SYTL2: variants seen among roughly 807,000 people sequenced by gnomAD.
SYTL2 encodes the protein synaptotagmin like 2, also known as synaptotagmin-like protein 2.
Under a neutral mutation model 198.7 loss-of-function variants are expected in SYTL2, and 165 were observed. The observed-to-expected ratio is 0.83, with a 90% CI of 0.73 to 0.94. The LOEUF is 0.94. Among genes scored for constraint, SYTL2 ranks in the 40% least tolerant of loss-of-function variants. The probability of loss-of-function intolerance (pLI) is 0.00; values close to 1 mark genes in which losing one functional copy is unlikely to be tolerated. For synonymous variants in SYTL2, 966 were observed against 917.7 expected (o/e 1.05, Z -0.95); for missense variants, 2,835 against 2,582.8 (o/e 1.10, Z -2.12).
chr11:85,739,253 C>CT (rs34147924), intron 4 of SYTL2, among the ~76,000 whole-genome samples: 53,091 of 124,300 alleles, frequency 0.43, 11,582 homozygotes, highest in East Asian at 0.58. Context: ...AGGAGGCTGG[C>CT]TTTTTTTTTT....
At chr11:85,846,568 C>G in the SYTL2 span, among the ~76,000 whole-genome samples, 1 of 151,870 alleles carries the variant, frequency 6.6e-6, no homozygotes, top group African/African-American at 2.4e-5. Context: ...GCTGGGATTA[C>G]AGGTGTGCAC....
chr11:85,741,832 G>A (rs939327745), intron 4 of SYTL2, among the ~76,000 whole-genome samples: 9 of 152,214 alleles, frequency 5.9e-5, no homozygotes, highest in Non-Finnish European at 1.3e-4. Context: ...CTATTCAACA[G>A]ACGGTAAGAA....
the SYTL2 span, among the ~76,000 whole-genome samples, chr11:85,832,951 G>A: frequency 1.3e-5 from 2 of 148,572 alleles, no homozygotes; most frequent in Non-Finnish European, 3.0e-5. Context: ...AGCTATGATT[G>A]CTCCACTGCA....
the SYTL2 span, chr11:85,852,498 C>T: frequency 1.9e-5 from 3 of 158,682 alleles, no homozygotes; most frequent in East Asian, 1.9e-4. Flanking sequence ...CTCAGCCTGC[C>T]GAGTGCCTGC....
chr11:85,700,539 G>A lies in SYTL2; in HGVS notation c.6244C>T (p.Gln2082Ter). ...ENRGEMKLALQYVPEPVPGKK... is the reference protein window; with the variant it reads ...ENRGEMKLAL ...CCAGGGACTGGCTCTGGGACATACT[G>A]GAGAGCTAGTTTCATTTCACCTCTG... Residue 2082 changes from glutamine to a stop codon, truncating the protein, a stop_gained, in exon 17 of 20, where the codon CAG becomes TAG. Coordinates refer to ENST00000359152, the MANE Select transcript of SYTL2 (RefSeq NM_206927.4). LOFTEE classifies it high-confidence loss of function. 6.2e-7 allele frequency: 1 copy of A among 1,613,806 alleles called. No homozygotes were observed. The highest frequency in any genetic ancestry group is 8.5e-7 in the Non-Finnish European group (1 of 1,179,738).
chr11:85,702,935 G>A (rs1421007911), intron 16 of SYTL2, among the ~76,000 whole-genome samples: 2 of 152,128 alleles, frequency 1.3e-5, no homozygotes, highest in East Asian at 1.9e-4. Flanking sequence ...GAGAATTTTA[G>A]GAGAGAAATG....
intron 1 of SYTL2, among the ~76,000 whole-genome samples, chr11:85,776,103 C>T (rs1431695175): frequency 6.6e-6 from 1 of 152,118 alleles, no homozygotes; most frequent in African/African-American, 2.4e-5. Context: ...AAGAGCTACC[C>T]AGTTCTCTCA....
chr11:85,817,354 C>T, the SYTL2 span, among the ~76,000 whole-genome samples: 2 of 152,084 alleles, frequency 1.3e-5, no homozygotes, highest in Non-Finnish European at 2.9e-5. Context: ...GCCACCAGCC[C>T]CCTGGGGCTA....
At chr11:85,756,666 T>C (rs1031078517) in intron 2 of SYTL2, among the ~76,000 whole-genome samples, 3 of 152,202 alleles carry the variant, frequency 2.0e-5, no homozygotes, top group African/African-American at 7.2e-5. Flanking sequence ...CCTTTGCAAC[T>C]TGTTAAATAC....
intron 1 of SYTL2, among the ~76,000 whole-genome samples, chr11:85,791,166 CAAAAAAAAAAAAAA>C (rs568061365): frequency 3.5e-4 from 14 of 39,532 alleles, no homozygotes; most frequent in African/African-American, 1.5e-3. Context: ...GAGTCTGCCT[CAAAAAAAAAAAAAA>C]AAAAAAAAAA....
the SYTL2 span, among the ~76,000 whole-genome samples, chr11:85,818,688 T>TCTACCTAC: frequency 2.0e-5 from 3 of 151,208 alleles, no homozygotes; most frequent in African/African-American, 7.3e-5. Flanking sequence ...TATCTATCTA[T>TCTACCTAC]CTACCTATCT....
At chr11:85,820,734 A>G in the SYTL2 span, among the ~76,000 whole-genome samples, 1 of 152,218 alleles carries the variant, frequency 6.6e-6, no homozygotes, top group Non-Finnish European at 1.5e-5. Context: ...CCTATTCCTC[A>G]GCACTGGGAA....
chr11:85,720,872 G>C lies in SYTL2; in HGVS notation c.5414C>G (p.Ser1805Ter), dbSNP rs2088198169. Residue 1805 changes from serine (S) to a stop codon, truncating the protein, a stop_gained, in exon 9 of 20, where the codon TCA becomes TGA. Coordinates refer to ENST00000359152, the MANE Select transcript of SYTL2 (RefSeq NM_206927.4). LOFTEE classifies it high-confidence loss of function. ...TTTATTCTCACTTGATGAATCTGAT[G>C]AAATGTCTTCTAGACTTTTGGAAGG... ...KMPSKSLEDI[S>*]SDSSNQAKVD... 6.2e-7 allele frequency: 1 copy of C among 1,611,688 alleles called. No individual in the cohort carries two copies. The highest frequency in any genetic ancestry group is 1.3e-5 in the African/African-American group (1 of 74,948).
intron 4 of SYTL2, among the ~76,000 whole-genome samples, chr11:85,738,616 T>C (rs2090541270): frequency 6.6e-6 from 1 of 152,162 alleles, no homozygotes; most frequent in South Asian, 2.1e-4. Flanking sequence ...TCAGTCTCTA[T>C]ATAATAAAAA....
At chr11:85,735,696 G>A (rs1182952794) in intron 6 of SYTL2, among the ~76,000 whole-genome samples, 1 of 151,990 alleles carries the variant, frequency 6.6e-6, no homozygotes, top group African/African-American at 2.4e-5. Context: ...GGCGAAGGGT[G>A]CAGTGAGCCG....
At chr11:85,824,075 G>C in the SYTL2 span, among the ~76,000 whole-genome samples, 1 of 152,204 alleles carries the variant, frequency 6.6e-6, no homozygotes, top group South Asian at 2.1e-4. Flanking sequence ...TCTGAGTGCG[G>C]GTGAGTGCAA....
At chr11:85,823,492 A>G in the SYTL2 span, among the ~76,000 whole-genome samples, 29 of 152,366 alleles carry the variant, frequency 1.9e-4, 1 homozygote, top group African/African-American at 6.3e-4. Flanking sequence ...GAAGGTAAAG[A>G]TATAGTTTAC....
intron 1 of SYTL2, among the ~76,000 whole-genome samples, chr11:85,800,616 C>A (rs1341566249): frequency 6.6e-6 from 1 of 152,130 alleles, no homozygotes; most frequent in Non-Finnish European, 1.5e-5. Flanking sequence ...TCCCTATGCA[C>A]TGAATGTCAG....
the SYTL2 span, chr11:85,854,246 ACT>A: frequency 6.6e-6 from 1 of 150,728 alleles, no homozygotes; most frequent in Non-Finnish European, 1.5e-5. Flanking sequence ...ATTATCAAGA[ACT>A]GTTATTTCTA....
Sources: allele counts gnomAD v4.1 joint callset (sites outside exome capture counted in the v4.1 genomes callset), GRCh38; gene constraint gnomAD v4.1.1; transcripts MANE v1.5; gene names NCBI Gene and HGNC (gene_info 2026-07-23, HGNC 2026-07-21).